The following METTL22 variants were observed in gnomAD, a reference collection of about 807,000 sequenced individuals.
The protein encoded by METTL22 is methyltransferase 22, Kin17 lysine.
A neutral mutation model predicts 48.4 loss-of-function variants in METTL22; 51 were observed. The observed-to-expected ratio is 1.05, with a 90% CI of 0.84 to 1.33. The LOEUF is 1.33. Among genes scored for constraint, METTL22 ranks in the 40% most tolerant of loss-of-function variants. The pLI is 0.00. For synonymous variants in METTL22, 255 were observed against 214.1 expected, an observed-to-expected ratio of 1.19 and a Z score of -1.67; for missense variants, 678 against 526.9, an observed-to-expected ratio of 1.29 and a Z score of -2.81.
chr16:8,629,209 A>G, intron 3 of METTL22, 99 bp downstream of exon 3: 1 of 1,466,352 alleles, frequency 6.8e-7, no homozygotes, highest in Non-Finnish European at 9.2e-7. Flanking sequence ...CTGCAGGCCC[A>G]GGCAGCACAG....
chr16:8,650,224 T>A (rs1265293400), downstream of METTL22, among the ~76,000 whole-genome samples: 2 of 152,214 alleles, frequency 1.3e-5, no homozygotes, highest in African/African-American at 2.4e-5. Flanking sequence ...CTCAGGAGGC[T>A]GGGTCGGGAG....
chr16:8,663,755 G>T, the METTL22 span, among the ~76,000 whole-genome samples: 36 of 152,204 alleles, frequency 2.4e-4, no homozygotes, highest in African/African-American at 8.4e-4. Context: ...TCAGTCTGCT[G>T]ATCACATCTT....
downstream of METTL22, among the ~76,000 whole-genome samples, chr16:8,653,917 G>A (rs979982498): frequency 6.6e-6 from 1 of 152,076 alleles, no homozygotes; most frequent in Non-Finnish European, 1.5e-5. Context: ...AGAATTTTGT[G>A]GAAAGCCTGA....
the METTL22 span, among the ~76,000 whole-genome samples, chr16:8,656,662 T>C: frequency 6.6e-6 from 1 of 152,250 alleles, no homozygotes; most frequent in Non-Finnish European, 1.5e-5. Flanking sequence ...GTTCCAGCAG[T>C]GCTGGCCTGG....
chr16:8,662,139 G>A, the METTL22 span, among the ~76,000 whole-genome samples: 2 of 145,590 alleles, frequency 1.4e-5, no homozygotes, highest in Non-Finnish European at 3.0e-5. Context: ...CTACTCAGGA[G>A]GCCAAGGCAA....
chr16:8,640,616 GGATGGAT>G (rs2056568525), intron 6 of METTL22, among the ~76,000 whole-genome samples: 2 of 1,998 alleles, frequency 1.0e-3, no homozygotes, highest in Non-Finnish European at 2.1e-3. Flanking sequence ...GAGGATGGAT[GGATGGAT>G]GGATGGAAAG....
chr16:8,625,836 T>C, intron 2 of METTL22, 38 bp downstream of exon 2: 1 of 1,610,052 alleles, frequency 6.2e-7, no homozygotes, highest in Non-Finnish European at 8.5e-7. Context: ...GGATCCTATT[T>C]TGTTTTCTGC....
intron 7 of METTL22, chr16:8,641,609 C>A (rs369634332): frequency 4.9e-6 from 2 of 407,264 alleles, no homozygotes; most frequent in Non-Finnish European, 4.7e-6. Flanking sequence ...CTACTTCAGA[C>A]CTGGGTGCTT....
At chr16:8,639,314 G>A in intron 6 of METTL22, 152 bp downstream of exon 6, 1 of 696,354 alleles carries the variant, frequency 1.4e-6, no homozygotes, top group Admixed American at 2.2e-5. Context: ...GGGCATCACA[G>A]AGCTTCAGAG....
the METTL22 span, among the ~76,000 whole-genome samples, chr16:8,655,831 A>C: frequency 3.3e-5 from 5 of 152,290 alleles, no homozygotes; most frequent in Middle Eastern, 6.8e-3. Context: ...TCTATTATCC[A>C]CCTAAATGTG....
intron 2 of METTL22, 40 bp downstream of exon 2, chr16:8,625,838 G>A: frequency 6.2e-7 from 1 of 1,609,022 alleles, no homozygotes; most frequent in African/African-American, 1.3e-5. Flanking sequence ...ATCCTATTTT[G>A]TTTTCTGCTT....
chr16:8,662,939 G>A, the METTL22 span, among the ~76,000 whole-genome samples: 1 of 144,558 alleles, frequency 6.9e-6, no homozygotes, highest in South Asian at 2.2e-4. Flanking sequence ...CAGGCGTGGT[G>A]GCTCACACCT....
At chr16:8,658,761 G>T in the METTL22 span, among the ~76,000 whole-genome samples, 1 of 152,182 alleles carries the variant, frequency 6.6e-6, no homozygotes, top group Non-Finnish European at 1.5e-5. Flanking sequence ...TGCACGTCAA[G>T]GCTCTACTGT....
rs1448526721 is a variant in METTL22 at position 8,649,106 on chromosome 16, C to T, written c.*2963C>T. 6.6e-6 allele frequency: 1 copy of T among 152,206 alleles called. No individual in the cohort carries two copies. Among genetic ancestry groups the T allele is most frequent in the African/African-American group, 2.4e-5 (1 of 41,444 alleles). 9.4% of individuals were successfully genotyped at this position (152,206 alleles called of 1,614,324 possible). A position where few individuals can be genotyped will look rare whatever the true frequency, so the allele number is the denominator to read the frequency against. Reference sequence around the variant, plus strand: ...TTTCCTAGCACTCCTGGGTACAAGTCCATAAATGTAATTGGCACCAAGCAA... The same window carrying T: ...TTTCCTAGCACTCCTGGGTACAAGTTCATAAATGTAATTGGCACCAAGCAA... On this transcript the variant is annotated 3_prime_UTR_variant, in exon 11 of 11. Transcript: ENST00000381920.
Position 8,635,254 on chromosome 16 carries a change from C to A in METTL22, c.642C>A (p.Ala214=). The stretch of plus-strand genomic sequence containing the variant: ...GATGTACAGCGCTGGAGCTCGGGGC[C>A]GGCACGGGGCTCGCTAGCATCATCG... The part of the protein sequence containing the change: ...FRGCTALELG[A]GTGLASIIAA... The change falls in exon 5 of 11, where the codon GCC becomes GCA. Residue 214 remains alanine (A), a synonymous_variant. Transcript: ENST00000381920. 6.2e-7 allele frequency: 1 copy of A among 1,607,574 alleles called. No individual in the cohort carries two copies. Among genetic ancestry groups the A allele is most frequent in the Middle Eastern group, 1.7e-4 (1 of 5,914 alleles).
At chr16:8,640,339 C>T (rs148047475) in intron 6 of METTL22, among the ~76,000 whole-genome samples, 1 of 152,190 alleles carries the variant, frequency 6.6e-6, no homozygotes, top group Non-Finnish European at 1.5e-5. Flanking sequence ...CATCACCCAG[C>T]CACACAGTCT....
At chr16:8,641,542 A>T (rs2056618439) in intron 7 of METTL22, 1 of 502,100 alleles carries the variant, frequency 2.0e-6, no homozygotes, top group Non-Finnish European at 3.9e-6. Context: ...ATTTCCCAAC[A>T]AACAGTGGTG....
chr16:8,644,886 T>C lies in METTL22; in HGVS notation c.1179+161T>C, dbSNP rs905200769. On this transcript the variant is annotated intron_variant, in intron 10 of 10. Coordinates refer to ENST00000381920, the MANE Select transcript of METTL22 (RefSeq NM_024109.4). ...TGGCACCATCTGTAGTGGAACCTGT[T>C]GGGGGAGCTACATCCTGTTCTTAGC... The C allele has an allele frequency of 3.9e-5, 28 of 715,798 alleles. No individual in the cohort carries two copies. The African/African-American group carries it at 4.4e-4, about 11-fold the overall frequency. The allele number at this position is 715,798 out of a possible 1,614,324, so 44.3% of individuals were successfully genotyped here.
In METTL22 at chr16:8,621,773, C is replaced by A. The variant is rs968740015; in HGVS notation, c.-173C>A. 1.3e-5 allele frequency: 2 copies of A among 152,256 alleles called. No individual in the cohort carries two copies. The highest frequency in any genetic ancestry group is 4.8e-5 in the African/African-American group (2 of 41,444). 9.4% of individuals were successfully genotyped at this position (152,256 alleles called of 1,614,324 possible). ...TGGGATCCCAGGCTGGGCCCCGCGG[C>A]GGGTAAGTGCCTGGGAGAGGCGGCG... is the stretch of plus-strand genomic sequence containing the variant. On this transcript the variant is annotated splice_region_variant and 5_prime_UTR_variant, in exon 1 of 11. Transcript: ENST00000381920.
Sources: allele counts gnomAD v4.1 joint callset (sites outside exome capture counted in the v4.1 genomes callset), GRCh38; gene constraint gnomAD v4.1.1; transcripts MANE v1.5; gene names NCBI Gene and HGNC (gene_info 2026-07-23, HGNC 2026-07-21).